Variants in TMEM117 observed in about 807,000 individuals in gnomAD.
The protein encoded by TMEM117 is transmembrane protein 117.
A neutral mutation model predicts 52.4 loss-of-function variants in TMEM117; 27 were observed. The ratio of observed to expected loss-of-function variants is 0.51; its 90% CI spans 0.38 to 0.71. TMEM117 has a LOEUF of 0.71. TMEM117 is among the 30% of genes least tolerant of loss of function. The probability of loss-of-function intolerance (pLI) is 0.00; values close to 1 mark genes in which losing one functional copy is unlikely to be tolerated. For missense variants in TMEM117, 556 were observed against 630.5 expected (o/e 0.88, Z 1.26); for synonymous variants, 215 against 206.3 (o/e 1.04, Z -0.36).
At chr12:43,913,803 T>G (rs1211914746) in intron 2 of TMEM117, among the ~76,000 whole-genome samples, 1 of 152,234 alleles carries the variant, frequency 6.6e-6, no homozygotes, top group Non-Finnish European at 1.5e-5. Flanking sequence ...TTATTCATTT[T>G]GTTCACTTTC....
Position 44,327,163 on chromosome 12 carries a change from C to CA in TMEM117, c.768+27433dup, listed in dbSNP as rs59345309. ...CTCTCTTCTAAGAACCTTAACATCT[C>CA]AAAAAAAAATGAAAATTCAATAGGA... is the stretch of plus-strand genomic sequence containing the variant. On this transcript the variant is annotated intron_variant, in intron 6 of 7. Transcript: ENST00000266534. 5.7e-4 allele frequency among the ~76,000 whole-genome samples: 85 copies of CA among 149,304 alleles called. 1 individual carries two copies. The highest frequency in any genetic ancestry group is 3.5e-3 in the Admixed American group (52 of 15,004).
At chr12:44,331,913 T>C (rs1951275450) in intron 6 of TMEM117, among the ~76,000 whole-genome samples, 1 of 152,086 alleles carries the variant, frequency 6.6e-6, no homozygotes, top group African/African-American at 2.4e-5. Context: ...TCTTGTCACC[T>C]TGGGCACATA....
intron 6 of TMEM117, among the ~76,000 whole-genome samples, chr12:44,353,365 C>T (rs1463063623): frequency 3.9e-5 from 6 of 152,084 alleles, no homozygotes; most frequent in Admixed American, 2.6e-4. Flanking sequence ...ACATGAAGTC[C>T]TTGCCCATGC....
chr12:44,284,368 C>G (rs941266377), intron 5 of TMEM117, among the ~76,000 whole-genome samples: 1 of 152,128 alleles, frequency 6.6e-6, no homozygotes, highest in Admixed American at 6.5e-5. Flanking sequence ...TGAAGCCTCC[C>G]CAGCCACGTG....
intron 5 of TMEM117, among the ~76,000 whole-genome samples, chr12:44,284,085 C>T (rs968862396): frequency 6.6e-6 from 1 of 152,092 alleles, no homozygotes; most frequent in Non-Finnish European, 1.5e-5. Context: ...GAGGCTGACG[C>T]GGGCAGACCA....
Position 44,143,560 on chromosome 12 carries a change from A to G in TMEM117, c.446A>G (p.Asn149Ser). Residue 149 changes from asparagine (N) to serine (S), a missense_variant, in exon 4 of 8, where the codon AAT becomes AGT. This residue lies in a region of TMEM117 where 328 missense variants were observed against 371.4 expected (regional missense o/e 0.88). Coordinates refer to ENST00000266534, the MANE Select transcript of TMEM117 (RefSeq NM_032256.3). The part of the protein sequence containing the change: ...YIITDYMGIR[N>S]ESFMKLAAVG... ...ATTACAGACTATATGGGCATCCGAA[A>G]TGAAAGTTTCATGAAATTAGCTGCA... is the stretch of plus-strand genomic sequence containing the variant. 6.2e-7 allele frequency: 1 copy of G among 1,614,038 alleles called. No homozygotes were observed. The highest frequency in any genetic ancestry group is 1.6e-4 in the Middle Eastern group (1 of 6,062).
intron 2 of TMEM117, among the ~76,000 whole-genome samples, chr12:43,900,670 A>T (rs1944288863): frequency 1.3e-5 from 2 of 151,652 alleles, no homozygotes; most frequent in Non-Finnish European, 2.9e-5. Context: ...GTGAGCTGAG[A>T]TCGCGCCACT....
At chr12:43,939,985 C>T (rs1945017644) in intron 2 of TMEM117, among the ~76,000 whole-genome samples, 1 of 152,166 alleles carries the variant, frequency 6.6e-6, no homozygotes, top group Non-Finnish European at 1.5e-5. Flanking sequence ...GACTTATTCA[C>T]TACCACAAGA....
rs574399099 is a variant in TMEM117 at position 44,115,993 on chromosome 12, G to A, written c.411-27532G>A. Among the ~76,000 whole-genome samples, 16 of 152,162 alleles carry A rather than the reference G, an allele frequency of 1.1e-4. No homozygotes were observed. The South Asian group carries it at 1.7e-3, about 16-fold the overall frequency. On this transcript the variant is annotated intron_variant, in intron 3 of 7. Transcript: ENST00000266534. ...GCCAAGCTTCACATTAAAATAAATG[G>A]CTACAGTTATGGTCTTTATCTCCTT...
intron 2 of TMEM117, among the ~76,000 whole-genome samples, chr12:43,888,551 T>C (rs1260854909): frequency 2.1e-5 from 3 of 145,166 alleles, no homozygotes; most frequent in Non-Finnish European, 3.0e-5. Flanking sequence ...TTCTTTTTTT[T>C]TTTTTTTTTT....
At chr12:43,819,788 A>G in the TMEM117 span, among the ~76,000 whole-genome samples, 1 of 151,866 alleles carries the variant, frequency 6.6e-6, no homozygotes. Flanking sequence ...AAAAGAGAGA[A>G]AGAGAGAGAG....
chr12:44,206,612 C>G (rs926096863), intron 4 of TMEM117, among the ~76,000 whole-genome samples: 2 of 152,168 alleles, frequency 1.3e-5, no homozygotes, highest in African/African-American at 4.8e-5. Context: ...TACATAAATA[C>G]CATCAAGTAC....
chr12:43,900,825 CAG>C (rs148460114), intron 2 of TMEM117, among the ~76,000 whole-genome samples: 2,561 of 149,146 alleles, frequency 0.017, 78 homozygotes, highest in African/African-American at 0.058. Flanking sequence ...AACTACAGAA[CAG>C]AGAGAGAGAG....
intron 4 of TMEM117, among the ~76,000 whole-genome samples, chr12:44,152,597 AT>A (rs533955001): frequency 0.027 from 3,303 of 124,106 alleles, 110 homozygotes; most frequent in African/African-American, 0.078. Context: ...TATTTATATC[AT>A]ATATAAATTT....
chr12:44,258,504 A>T (rs181333693), intron 5 of TMEM117, among the ~76,000 whole-genome samples: 1 of 152,242 alleles, frequency 6.6e-6, no homozygotes, highest in East Asian at 1.9e-4. Context: ...ATCACCAGGA[A>T]AAAAAAGATT....
intron 2 of TMEM117, among the ~76,000 whole-genome samples, chr12:43,942,801 C>T (rs766598476): frequency 1.3e-4 from 20 of 151,988 alleles, no homozygotes; most frequent in Admixed American, 1.2e-3. Flanking sequence ...TACTGTTTGT[C>T]GCTAGAGAGA....
intron 2 of TMEM117, among the ~76,000 whole-genome samples, chr12:43,922,992 C>T (rs1944720535): frequency 6.6e-6 from 1 of 152,120 alleles, no homozygotes; most frequent in Non-Finnish European, 1.5e-5. Context: ...AATAGATTTC[C>T]CTAGTCCCTG....
the TMEM117 span, chr12:43,798,639 AC>A: frequency 2.2e-6 from 3 of 1,393,016 alleles, no homozygotes; most frequent in Non-Finnish European, 2.9e-6. Context: ...AAAAAAAATC[AC>A]ATAAAAAGCC....
intron 5 of TMEM117, among the ~76,000 whole-genome samples, chr12:44,258,908 A>T (rs1169130260): frequency 6.6e-6 from 1 of 152,166 alleles, no homozygotes; most frequent in Non-Finnish European, 1.5e-5. Flanking sequence ...GTCTGAATTG[A>T]GATGTGCTGT....
Sources: allele counts gnomAD v4.1 joint callset (sites outside exome capture counted in the v4.1 genomes callset), GRCh38; gene constraint gnomAD v4.1.1; regional missense constraint gnomAD v4.1.1; transcripts MANE v1.5; gene names NCBI Gene and HGNC (gene_info 2026-07-23, HGNC 2026-07-21).